ADAMTS3: variants seen among roughly 807,000 people sequenced by gnomAD.
The protein encoded by ADAMTS3 is A disintegrin and metalloproteinase with thrombospondin motifs 3.
In ADAMTS3, 73 loss-of-function variants were observed where a neutral mutation model predicts 129.0. That is an observed-to-expected ratio of 0.57 (90% confidence interval 0.47 to 0.69). The LOEUF (loss-of-function observed/expected upper bound fraction) is 0.69, where lower values mean the gene tolerates loss of function less well. ADAMTS3 is among the 30% of genes least tolerant of loss of function. The pLI, the probability that ADAMTS3 is intolerant of heterozygous loss-of-function variation, is 0.00. For missense variants in ADAMTS3, 1,457 were observed against 1,514.5 expected (o/e 0.96, Z 0.63); for synonymous variants, 477 against 510.8 (o/e 0.93, Z 0.89).
rs749397897 is a variant in ADAMTS3 at position 72,312,437 on chromosome 4, C to G, written c.1775G>C (p.Gly592Ala). 5.0e-6 allele frequency: 8 copies of G among 1,613,356 alleles called. No individual in the cohort carries two copies. ...ACAAAGCTGGTACTCAAAATTAACA[C>G]CAGGACAATCCTGACCACCATTGAT... The part of the protein sequence containing the change: ...MPINGGQDCP[G>A]VNFEYQLCNT... The change falls in exon 13 of 22, where the codon GGT becomes GCT. Residue 592 changes from glycine to alanine, a missense_variant. Gly to Ala is a moderately conservative substitution (Grantham distance 60). Transcript: ENST00000286657.
intron 12 of ADAMTS3, among the ~76,000 whole-genome samples, chr4:72,313,140 T>C (rs147448605): frequency 8.7e-4 from 133 of 152,266 alleles, no homozygotes; most frequent in African/African-American, 3.0e-3. Context: ...ATGTGAGAAT[T>C]CAGTTGTTTT....
chr4:72,468,383 C>T (rs1397997417), intron 3 of ADAMTS3, among the ~76,000 whole-genome samples: 1 of 151,976 alleles, frequency 6.6e-6, no homozygotes, highest in African/African-American at 2.4e-5. Context: ...TTTTCAAATA[C>T]AAATACTCTA....
At chr4:72,459,457 T>C (rs576323928) in intron 3 of ADAMTS3, among the ~76,000 whole-genome samples, 1 of 151,614 alleles carries the variant, frequency 6.6e-6, no homozygotes, top group African/African-American at 2.4e-5. Context: ...GTACTTAGCA[T>C]AGAATCATGA....
chr4:72,369,364 C>A (rs887536871), intron 4 of ADAMTS3, among the ~76,000 whole-genome samples: 2 of 151,828 alleles, frequency 1.3e-5, no homozygotes, highest in East Asian at 3.9e-4. Context: ...CACTTGCTGC[C>A]AACTATGGTG....
intron 17 of ADAMTS3, 152 bp downstream of exon 17, chr4:72,303,765 A>T (rs1184854685): frequency 5.6e-6 from 4 of 709,892 alleles, no homozygotes; most frequent in Non-Finnish European, 9.3e-6. Flanking sequence ...TTGCACAAAG[A>T]GTGGGGGGAA....
At chr4:72,464,276 C>A (rs1718860185) in intron 3 of ADAMTS3, among the ~76,000 whole-genome samples, 1 of 152,008 alleles carries the variant, frequency 6.6e-6, no homozygotes, top group South Asian at 2.1e-4. Flanking sequence ...TCTTTTCCTG[C>A]CTCCACCCCA....
intron 4 of ADAMTS3, among the ~76,000 whole-genome samples, chr4:72,395,230 A>G (rs1454986876): frequency 6.6e-6 from 1 of 152,160 alleles, no homozygotes; most frequent in Non-Finnish European, 1.5e-5. Context: ...CATATGGCAA[A>G]AGCAAATTAG....
At chr4:72,524,198 G>T (rs1720747280) in intron 3 of ADAMTS3, among the ~76,000 whole-genome samples, 1 of 152,080 alleles carries the variant, frequency 6.6e-6, no homozygotes, top group African/African-American at 2.4e-5. Context: ...AAAAAGGAGA[G>T]CCTTCAACAA....
At chr4:72,478,949 T>A (rs1175636568) in intron 3 of ADAMTS3, among the ~76,000 whole-genome samples, 2 of 151,914 alleles carry the variant, frequency 1.3e-5, no homozygotes, top group Non-Finnish European at 2.9e-5. Flanking sequence ...CACAATTGCT[T>A]CAAAGAGAAT....
chr4:72,546,596 T>A (rs1379506906), intron 3 of ADAMTS3, among the ~76,000 whole-genome samples: 1 of 152,078 alleles, frequency 6.6e-6, no homozygotes, highest in Admixed American at 6.6e-5. Context: ...CTGACGACAG[T>A]CCAGAGGAAT....
intron 21 of ADAMTS3, among the ~76,000 whole-genome samples, chr4:72,284,461 A>T (rs371100170): frequency 6.8e-6 from 1 of 146,534 alleles, no homozygotes; most frequent in East Asian, 2.0e-4. Flanking sequence ...AAAAAAAAAA[A>T]TTCTCCAGTT....
intron 3 of ADAMTS3, among the ~76,000 whole-genome samples, chr4:72,491,524 T>C (rs140597559): frequency 1.5e-3 from 230 of 151,968 alleles, no homozygotes; most frequent in African/African-American, 5.2e-3. Flanking sequence ...TTGAACTTTG[T>C]CAATTGCTTG....
intron 4 of ADAMTS3, among the ~76,000 whole-genome samples, chr4:72,403,786 G>T (rs59482570): frequency 0.045 from 6,805 of 151,848 alleles, 175 homozygotes; most frequent in Non-Finnish European, 0.052. Context: ...TGAACACATA[G>T]GGTTTCTGCA....
At chr4:72,330,738 T>A (rs1489489321) in intron 5 of ADAMTS3, 1 of 152,224 alleles carries the variant, frequency 6.6e-6, no homozygotes, top group African/African-American at 2.4e-5. Flanking sequence ...TCAATAAACA[T>A]GAGTCTTTCC....
At chr4:72,499,853 C>T (rs1469762351) in intron 3 of ADAMTS3, among the ~76,000 whole-genome samples, 1 of 151,926 alleles carries the variant, frequency 6.6e-6, no homozygotes, top group Admixed American at 6.6e-5. Flanking sequence ...TTGAGGTCAC[C>T]CTTATAAGTA....
chr4:72,545,770 C>T (rs1402434245), intron 3 of ADAMTS3, among the ~76,000 whole-genome samples: 1 of 152,188 alleles, frequency 6.6e-6, no homozygotes, highest in East Asian at 1.9e-4. Flanking sequence ...GGCAACAGGT[C>T]TTCAGACATC....
intron 4 of ADAMTS3, among the ~76,000 whole-genome samples, chr4:72,342,482 A>G (rs1244524373): frequency 6.6e-6 from 1 of 150,754 alleles, no homozygotes; most frequent in South Asian, 2.1e-4. Context: ...TTGTGCCTCA[A>G]CCTCCCGAGT....
chr4:72,483,979 T>C (rs992071558), intron 3 of ADAMTS3, among the ~76,000 whole-genome samples: 1 of 151,834 alleles, frequency 6.6e-6, no homozygotes, highest in Non-Finnish European at 1.5e-5. Flanking sequence ...GATGGCACCA[T>C]TGCACTCCAG....
At chr4:72,394,667 A>G (rs1320742604) in intron 4 of ADAMTS3, among the ~76,000 whole-genome samples, 1 of 152,150 alleles carries the variant, frequency 6.6e-6, no homozygotes, top group Admixed American at 6.5e-5. Context: ...TATTTTTTGC[A>G]TTATTCAAAA....
Sources: allele counts gnomAD v4.1 joint callset (sites outside exome capture counted in the v4.1 genomes callset), GRCh38; gene constraint gnomAD v4.1.1; transcripts MANE v1.5; gene names NCBI Gene and HGNC (gene_info 2026-07-23, HGNC 2026-07-21).